ITPR2: variants seen among roughly 807,000 people sequenced by gnomAD.
The protein encoded by ITPR2 is inositol 1,4,5-trisphosphate-gated calcium channel ITPR2.
In ITPR2, 207 loss-of-function variants were observed where a neutral mutation model predicts 317.1. That is an observed-to-expected ratio of 0.65 (90% CI 0.58 to 0.73). The LOEUF is 0.73. Ranked by LOEUF, ITPR2 falls within the 30% of genes least tolerant of loss-of-function variation. ITPR2 has a pLI of 0.00. For missense variants in ITPR2, 2,613 were observed against 3,284.0 expected, an observed-to-expected ratio of 0.80 and a Z score of 4.99; for synonymous variants, 1,156 against 1,149.1, an observed-to-expected ratio of 1.01 and a Z score of -0.12.
chr12:26,796,269 A>C (rs1033714117), intron 1 of ITPR2, among the ~76,000 whole-genome samples: 5 of 152,232 alleles, frequency 3.3e-5, no homozygotes, highest in African/African-American at 1.2e-4. Context: ...TCTATGAATC[A>C]ATAAGAAAAA....
At chr12:26,481,535 T>C (rs565189010) in intron 42 of ITPR2, among the ~76,000 whole-genome samples, 1 of 152,368 alleles carries the variant, frequency 6.6e-6, no homozygotes, top group African/African-American at 2.4e-5. Flanking sequence ...TAAATATCCT[T>C]CCATTCAATA....
At chr12:26,711,420 A>G (rs2137022846) in intron 8 of ITPR2, 152 bp from the exon 9 acceptor site, 1 of 605,416 alleles carries the variant, frequency 1.7e-6, no homozygotes, top group Non-Finnish European at 3.0e-6. Flanking sequence ...GAAAAACAAA[A>G]TTCCCCATAA....
intron 21 of ITPR2, chr12:26,649,202 C>T (rs73074512): frequency 0.012 from 1,407 of 118,780 alleles, 17 homozygotes; most frequent in Non-Finnish European, 0.021. Context: ...CCACACACAC[C>T]CACACACACA....
rs368733187 is a variant in ITPR2, at chr12:26,473,838, C to T, written c.6342+1458G>A. Among the ~76,000 whole-genome samples, 46 of 152,320 alleles carry T rather than the reference C, an allele frequency of 3.0e-4. No individual in the cohort carries two copies. The South Asian group carries it at 4.8e-3, about 16-fold the overall frequency. On this transcript the variant is annotated intron_variant, in intron 45 of 56. Transcript: ENST00000381340. The stretch of plus-strand genomic sequence containing the variant: ...GACACCTTTTCCACATCCTAAATCT[C>T]CACTTTCTGCTTCCTTCCACTTGTC...
At chr12:26,751,118 T>G (rs1026679938) in intron 2 of ITPR2, among the ~76,000 whole-genome samples, 6 of 152,176 alleles carry the variant, frequency 3.9e-5, no homozygotes, top group Admixed American at 3.9e-4. Context: ...GAAATCAGAT[T>G]TACTTTTATT....
chr12:26,538,116 A>G (rs1944150635), intron 37 of ITPR2, among the ~76,000 whole-genome samples: 1 of 152,230 alleles, frequency 6.6e-6, no homozygotes, highest in African/African-American at 2.4e-5. Context: ...TAGTGATTGG[A>G]AACATGGGCT....
chr12:26,597,363 T>C (rs1483312176), intron 30 of ITPR2, among the ~76,000 whole-genome samples: 1 of 152,202 alleles, frequency 6.6e-6, no homozygotes, highest in African/African-American at 2.4e-5. Flanking sequence ...AAGCAGCAGA[T>C]AGGGCAAGAA....
intron 32 of ITPR2, among the ~76,000 whole-genome samples, chr12:26,594,390 G>A (rs2137110387): frequency 6.6e-6 from 1 of 151,710 alleles, no homozygotes; most frequent in South Asian, 2.1e-4. Context: ...AGTGAAAGGA[G>A]GGATGACAAG....
At chr12:26,817,862 G>C (rs1950885588) in intron 1 of ITPR2, among the ~76,000 whole-genome samples, 1 of 152,090 alleles carries the variant, frequency 6.6e-6, no homozygotes, top group Non-Finnish European at 1.5e-5. Context: ...GGTAGGGGCA[G>C]AGGGAGGGTG....
rs530805099 is a variant in ITPR2 at position 26,336,927 on chromosome 12, G to A, written c.*2470C>T. ...ATTATCTTCTCCTCTTCTTCATTAG[G>A]AATTTGATGTTCTGAAAAGTGCCTT... On this transcript the variant is annotated 3_prime_UTR_variant, in exon 57 of 57. Transcript: ENST00000381340. 2.0e-5 allele frequency: 3 copies of A among 148,548 alleles called. No homozygotes were observed. The highest frequency in any genetic ancestry group is 4.3e-4 in the South Asian group (2 of 4,668). 9.2% of individuals were successfully genotyped at this position (148,548 alleles called of 1,614,324 possible). A position where few individuals can be genotyped will look rare whatever the true frequency, so the allele number is the denominator to read the frequency against.
chr12:26,452,098 T>C (rs1415461793), intron 45 of ITPR2, among the ~76,000 whole-genome samples: 4 of 151,838 alleles, frequency 2.6e-5, no homozygotes, highest in African/African-American at 7.3e-5. Flanking sequence ...TATGAAGGAG[T>C]ACACCCCTCT....
chr12:26,348,628 C>A (rs1030062655), intron 55 of ITPR2, among the ~76,000 whole-genome samples: 1 of 152,198 alleles, frequency 6.6e-6, no homozygotes, highest in South Asian at 2.1e-4. Context: ...CTAGAAAACA[C>A]AGTCTTGTTT....
At chr12:26,802,587 CTATATA>C (rs1483985384) in intron 1 of ITPR2, among the ~76,000 whole-genome samples, 1 of 9,408 alleles carries the variant, frequency 1.1e-4, no homozygotes, top group Non-Finnish European at 2.5e-4. Context: ...ATAGATATAT[CTATATA>C]TAGATATAGA....
intron 37 of ITPR2, among the ~76,000 whole-genome samples, chr12:26,534,712 G>A (rs1409067411): frequency 6.6e-6 from 1 of 152,190 alleles, no homozygotes; most frequent in Non-Finnish European, 1.5e-5. Context: ...GAACATTTCA[G>A]TTTAAATGTT....
At chr12:26,374,374 C>T (rs1939279858) in intron 55 of ITPR2, among the ~76,000 whole-genome samples, 1 of 152,230 alleles carries the variant, frequency 6.6e-6, no homozygotes, top group South Asian at 2.1e-4. Flanking sequence ...TTTATCTCCT[C>T]TGCGTCCCTT....
intron 21 of ITPR2, among the ~76,000 whole-genome samples, chr12:26,645,217 C>A (rs1005950183): frequency 6.6e-6 from 1 of 152,074 alleles, no homozygotes; most frequent in Non-Finnish European, 1.5e-5. Flanking sequence ...CTAGAGTTGC[C>A]GAGAATTGTG....
chr12:26,513,518 T>C (rs1237299557), intron 37 of ITPR2, among the ~76,000 whole-genome samples: 1 of 151,816 alleles, frequency 6.6e-6, no homozygotes, highest in African/African-American at 2.4e-5. Flanking sequence ...CAGCTGTTAC[T>C]CTTCCTCGGA....
intron 55 of ITPR2, among the ~76,000 whole-genome samples, chr12:26,374,732 C>T (rs151236538): frequency 7.9e-5 from 12 of 152,252 alleles, no homozygotes; most frequent in East Asian, 5.8e-4. Context: ...CAGAGAGCTG[C>T]GGTAACTTAC....
At chr12:26,572,663 G>A (rs1182489659) in intron 34 of ITPR2, among the ~76,000 whole-genome samples, 1 of 152,182 alleles carries the variant, frequency 6.6e-6, no homozygotes, top group Non-Finnish European at 1.5e-5. Flanking sequence ...TTCAGTTGAT[G>A]TAAGATAAGA....
Sources: allele counts gnomAD v4.1 joint callset (sites outside exome capture counted in the v4.1 genomes callset), GRCh38; gene constraint gnomAD v4.1.1; transcripts MANE v1.5; gene names NCBI Gene and HGNC (gene_info 2026-07-23, HGNC 2026-07-21).